The following SLC2A7 variants were observed in gnomAD, a reference collection of about 807,000 sequenced individuals.
The protein encoded by SLC2A7 is solute carrier family 2 member 7, also known as solute carrier family 2, facilitated glucose transporter member 7.
A neutral mutation model predicts 50.5 loss-of-function variants in SLC2A7; 50 were observed. That is an observed-to-expected ratio of 0.99 (90% CI 0.79 to 1.25). SLC2A7 has a LOEUF of 1.25. Among genes scored for constraint, SLC2A7 ranks in the 50% most tolerant of loss-of-function variants. The probability of loss-of-function intolerance (pLI) is 0.00; values close to 1 mark genes in which losing one functional copy is unlikely to be tolerated. For missense variants in SLC2A7, 683 were observed against 679.1 expected (o/e 1.01, Z -0.06); for synonymous variants, 308 against 300.4 (o/e 1.03, Z -0.26).
chr1:9,012,837 A>G (rs1193911365), intron 8 of SLC2A7, among the ~76,000 whole-genome samples: 1 of 152,174 alleles, frequency 6.6e-6, no homozygotes, highest in African/African-American at 2.4e-5. Context: ...TATTGCAGTC[A>G]CCATAATGAT....
chr1:9,026,050 G>C (rs1014907751), intron 1 of SLC2A7, among the ~76,000 whole-genome samples: 1 of 152,232 alleles, frequency 6.6e-6, no homozygotes, highest in African/African-American at 2.4e-5. Flanking sequence ...GTGGAAGGGA[G>C]AGAGGCATCT....
At chr1:9,025,406 G>A (rs1640981844) in intron 1 of SLC2A7, among the ~76,000 whole-genome samples, 1 of 152,196 alleles carries the variant, frequency 6.6e-6, no homozygotes, top group Non-Finnish European at 1.5e-5. Flanking sequence ...TTCTAGTGAG[G>A]GGAGCCCACC....
the SLC2A7 span, among the ~76,000 whole-genome samples, chr1:8,995,997 G>C: frequency 1.3e-5 from 2 of 152,128 alleles, no homozygotes; most frequent in Non-Finnish European, 2.9e-5. Flanking sequence ...TGAAGTCCCA[G>C]GCTCAAGTGA....
intron 5 of SLC2A7, 58 bp downstream of exon 5, chr1:9,018,165 A>C (rs1569802561): frequency 6.2e-7 from 1 of 1,608,040 alleles, no homozygotes; most frequent in South Asian, 1.1e-5. Context: ...CGTCAGTAAC[A>C]CCTGGCACAG....
At chr1:9,001,498 A>C (rs1056801371), downstream of SLC2A7, among the ~76,000 whole-genome samples, 3 of 149,062 alleles carry the variant, frequency 2.0e-5, no homozygotes, top group Non-Finnish European at 4.4e-5. Flanking sequence ...GGCTCATTGC[A>C]ACCTCTGCCT....
At chr1:9,003,982 A>G (rs2124233219) in intron 11 of SLC2A7, among the ~76,000 whole-genome samples, 1 of 152,020 alleles carries the variant, frequency 6.6e-6, no homozygotes, top group East Asian at 1.9e-4. Flanking sequence ...GAGGAATGAT[A>G]TAGCTAGAAA....
downstream of SLC2A7, among the ~76,000 whole-genome samples, chr1:8,999,985 C>A (rs544416102): frequency 2.6e-5 from 4 of 152,282 alleles, no homozygotes; most frequent in African/African-American, 9.6e-5. Flanking sequence ...TTCGTACTTA[C>A]CAAGCATTTC....
At chr1:9,004,189 C>T (rs1372955690) in intron 11 of SLC2A7, among the ~76,000 whole-genome samples, 3 of 151,966 alleles carry the variant, frequency 2.0e-5, no homozygotes, top group African/African-American at 7.3e-5. Context: ...AATAAATAGC[C>T]ATGTGTGGTG....
the SLC2A7 span, among the ~76,000 whole-genome samples, chr1:8,997,804 T>C: frequency 6.6e-6 from 1 of 152,224 alleles, no homozygotes; most frequent in African/African-American, 2.4e-5. Flanking sequence ...GCTTGTCTTT[T>C]CATTCTTATA....
intron 4 of SLC2A7, among the ~76,000 whole-genome samples, chr1:9,018,910 A>C (rs988098413): frequency 2.6e-5 from 4 of 152,192 alleles, no homozygotes; most frequent in Non-Finnish European, 5.9e-5. Flanking sequence ...GGCCAGGTAC[A>C]GTGGCTCATA....
In SLC2A7 at chr1:9,024,977, T is replaced by TTGTGCCCACCC. The variant is rs1553167357; in HGVS notation, c.148_149insGGGTGGGCACA (p.Lys50ArgfsTer64). On this transcript the variant is annotated frameshift_variant and splice_region_variant, in exon 2 of 12. Coordinates refer to ENST00000400906, the MANE Select transcript of SLC2A7 (RefSeq NM_207420.3). LOFTEE classifies it high-confidence loss of function. ...ACCTTGTGCCCACCTTGTGCCCACC[T>TTGTGCCCACCC]TGTGCGGCGTGTTGACCACAGAGAG... is the stretch of plus-strand genomic sequence containing the variant. 1.9e-6 allele frequency: 3 copies of TTGTGCCCACCC among 1,613,778 alleles called. No homozygotes were observed. The highest frequency in any genetic ancestry group is 2.5e-6 in the Non-Finnish European group (3 of 1,179,902).
In SLC2A7 at chr1:9,003,168, T is replaced by C. The variant is rs1276833869; in HGVS notation, c.*132A>G. The C allele has an allele frequency of 1.4e-6, 1 of 709,164 alleles. No individual in the cohort carries two copies. The highest frequency in any genetic ancestry group is 2.3e-6 in the Non-Finnish European group (1 of 426,162). The allele number at this position is 709,164 out of a possible 1,614,324, so 43.9% of individuals were successfully genotyped here. The stretch of plus-strand genomic sequence containing the variant: ...GCATTGTTGTGGGTATTTAATAATA[T>C]CCATAATTAAGTTAAATGGGGGCAA... On this transcript the variant is annotated 3_prime_UTR_variant, in exon 12 of 12. Transcript: ENST00000400906.
chr1:8,998,586 G>A (rs1394139512), downstream of SLC2A7, among the ~76,000 whole-genome samples: 3 of 151,994 alleles, frequency 2.0e-5, no homozygotes, highest in Non-Finnish European at 2.9e-5. Flanking sequence ...AATTCAACTT[G>A]CTCAAAATTG....
At chr1:8,994,726 G>A in the SLC2A7 span, among the ~76,000 whole-genome samples, 13 of 152,074 alleles carry the variant, frequency 8.5e-5, no homozygotes, top group Admixed American at 2.0e-4. Context: ...GTGGCCAAGC[G>A]GAGACTAGAC....
chr1:9,005,793 A>C (rs556330204), intron 10 of SLC2A7, among the ~76,000 whole-genome samples: 6 of 151,880 alleles, frequency 4.0e-5, no homozygotes, highest in Non-Finnish European at 8.8e-5. Flanking sequence ...AAAAAAAAAA[A>C]AAAAAAAGAA....
chr1:9,024,653 C>G (rs560377469), intron 2 of SLC2A7, among the ~76,000 whole-genome samples: 1 of 152,312 alleles, frequency 6.6e-6, no homozygotes, highest in African/African-American at 2.4e-5. Flanking sequence ...ACCCCATTCT[C>G]TTTCCAATCA....
chr1:9,023,884 C>G (rs1213802533), intron 2 of SLC2A7, among the ~76,000 whole-genome samples: 4 of 82,646 alleles, frequency 4.8e-5, no homozygotes, highest in Non-Finnish European at 6.8e-5. Flanking sequence ...GAGATGAAGT[C>G]TCACTCTGTC....
intron 10 of SLC2A7, among the ~76,000 whole-genome samples, chr1:9,006,627 C>T (rs970499725): frequency 3.9e-5 from 6 of 152,192 alleles, no homozygotes; most frequent in African/African-American, 1.4e-4. Flanking sequence ...ACAGTGTAAA[C>T]AGGTATTCCG....
In SLC2A7 at chr1:9,015,240, A is replaced by T. The variant is rs1034794554; in HGVS notation, c.592T>A (p.Trp198Arg). The T allele has an allele frequency of 7.5e-6, 12 of 1,592,500 alleles. No homozygotes were observed. The African/African-American group carries it at 1.6e-4, about 21-fold the overall frequency. Reference sequence around the variant, plus strand: ...CCTGTGAGCGCCAGAAGCACCGGCCAGCCTGCAAGGAGCCAAGGACTCAGG... The same window carrying T: ...CCTGTGAGCGCCAGAAGCACCGGCCTGCCTGCAAGGAGCCAAGGACTCAGG... ...LQAILGNPAG[W>R]PVLLALTGVP... is the part of the protein sequence containing the mutation. The change falls in exon 6 of 12, where the codon TGG (tryptophan) becomes AGG (arginine). Residue 198 changes from tryptophan to arginine, a missense_variant and splice_region_variant. Coordinates refer to ENST00000400906, the MANE Select transcript of SLC2A7 (RefSeq NM_207420.3).
Sources: allele counts gnomAD v4.1 joint callset (sites outside exome capture counted in the v4.1 genomes callset), GRCh38; gene constraint gnomAD v4.1.1; transcripts MANE v1.5; gene names NCBI Gene and HGNC (gene_info 2026-07-23, HGNC 2026-07-21).